Variants in TMEM132D observed in about 807,000 individuals in gnomAD.
TMEM132D encodes transmembrane protein 132D.
TMEM132D carries 21 observed loss-of-function variants against 62.3 expected under a neutral mutation model. That is an observed-to-expected ratio of 0.34 (90% CI 0.24 to 0.49). The LOEUF (loss-of-function observed/expected upper bound fraction) is 0.49. Ranked by LOEUF, TMEM132D falls within the 20% of genes least tolerant of loss-of-function variation. The probability of loss-of-function intolerance (pLI) is 0.99; values close to 1 mark genes in which losing one functional copy is unlikely to be tolerated. For missense variants in TMEM132D, 1,346 were observed against 1,402.8 expected, an observed-to-expected ratio of 0.96 and a Z score of 0.65; for synonymous variants, 621 against 575.6, an observed-to-expected ratio of 1.08 and a Z score of -1.13.
rs539843374 is a variant in TMEM132D at position 129,339,307 on chromosome 12, A to C, written c.1116-1490T>G. Among the ~76,000 whole-genome samples, 7 of 137,166 alleles carry C rather than the reference A, an allele frequency of 5.1e-5. No individual in the cohort carries two copies. In the Admixed American group the frequency reaches 5.2e-4, roughly 10 times the overall value. The allele number at this position is 137,166 out of a possible 152,430, so 90.0% of individuals were successfully genotyped here. ...AAAAGAAAAAGAAAGATAGAAGAGG[A>C]GGAAGGGGAGGAGGAAAAGAAAGAG... On this transcript the variant is annotated intron_variant, in intron 3 of 8. Transcript: ENST00000422113.
rs1874090953 is a variant in TMEM132D, at chr12:129,072,194, A to C, written c.*1681T>G. 6.9e-6 allele frequency: 1 copy of C among 145,070 alleles called. No individual in the cohort carries two copies. Among genetic ancestry groups the C allele is most frequent in the Non-Finnish European group, 1.5e-5 (1 of 68,060 alleles). 9.0% of individuals were successfully genotyped at this position (145,070 alleles called of 1,614,324 possible). On this transcript the variant is annotated 3_prime_UTR_variant, in exon 9 of 9. Coordinates refer to ENST00000422113, the MANE Select transcript of TMEM132D (RefSeq NM_133448.3). ...AGAAGATAGGTTCAAAGGAGGAGAG[A>C]GATACAGAGACAGACACACAGAGAG...
intron 1 of TMEM132D, among the ~76,000 whole-genome samples, chr12:129,772,560 C>T (rs1404169012): frequency 2.0e-5 from 3 of 152,158 alleles, no homozygotes; most frequent in Non-Finnish European, 4.4e-5. Context: ...GTCATAAATC[C>T]CGTGGCATGG....
intron 1 of TMEM132D, among the ~76,000 whole-genome samples, chr12:129,886,502 C>A (rs1337062731): frequency 6.6e-6 from 1 of 152,128 alleles, no homozygotes; most frequent in Non-Finnish European, 1.5e-5. Context: ...TCCCAAACTC[C>A]TAGGAAGGTC....
intron 1 of TMEM132D, among the ~76,000 whole-genome samples, chr12:129,772,919 A>C (rs941374953): frequency 5.9e-5 from 9 of 152,248 alleles, no homozygotes; most frequent in Non-Finnish European, 1.3e-4. Context: ...TGGAGAAGAC[A>C]TAGATGCTGA....
At chr12:129,097,080 T>A (rs1356824665) in intron 5 of TMEM132D, among the ~76,000 whole-genome samples, 2 of 152,258 alleles carry the variant, frequency 1.3e-5, no homozygotes, top group Non-Finnish European at 2.9e-5. Flanking sequence ...GTGCTGGTCC[T>A]GGCCAGGGTT....
chr12:129,671,153 G>T (rs925172877), intron 2 of TMEM132D, among the ~76,000 whole-genome samples: 1 of 152,160 alleles, frequency 6.6e-6, no homozygotes, highest in Non-Finnish European at 1.5e-5. Flanking sequence ...AATATTCCCT[G>T]CAAGGAAAAT....
rs578187007 is a variant in TMEM132D at position 129,875,961 on chromosome 12, G to A, written c.79+27300C>T. On this transcript the variant is annotated intron_variant, in intron 1 of 8. Coordinates refer to ENST00000422113, the MANE Select transcript of TMEM132D (RefSeq NM_133448.3). The stretch of plus-strand genomic sequence containing the variant: ...TTTCCAATTTAATCAACATGGTAGT[G>A]TCCATCCATCCAGCCATCCGTTCAT... Among the ~76,000 whole-genome samples, 142 of 152,218 alleles carry A rather than the reference G, an allele frequency of 9.3e-4. 2 individuals are homozygous for A. Among genetic ancestry groups the A allele is most frequent in the Middle Eastern group, 3.4e-3 (1 of 294 alleles).
intron 3 of TMEM132D, among the ~76,000 whole-genome samples, chr12:129,395,966 T>TATA (rs10688663): frequency 0.079 from 11,603 of 146,452 alleles, 1,098 homozygotes; most frequent in African/African-American, 0.23. Flanking sequence ...ATATATAATA[T>TATA]ATATCATATA....
At chr12:129,842,045 C>T (rs1401840797) in intron 1 of TMEM132D, among the ~76,000 whole-genome samples, 3 of 150,862 alleles carry the variant, frequency 2.0e-5, no homozygotes, top group African/African-American at 4.9e-5. Context: ...ATTCTCCTGC[C>T]TCAGCCTCCT....
intron 3 of TMEM132D, among the ~76,000 whole-genome samples, chr12:129,386,025 G>T (rs1008120816): frequency 6.6e-6 from 1 of 152,158 alleles, no homozygotes; most frequent in Admixed American, 6.5e-5. Flanking sequence ...TCTCTGATTT[G>T]TCTTTACAAA....
intron 1 of TMEM132D, among the ~76,000 whole-genome samples, chr12:129,835,347 G>T (rs917819063): frequency 1.8e-4 from 28 of 152,258 alleles, no homozygotes; most frequent in African/African-American, 6.5e-4. Context: ...CTGAAGTGCA[G>T]TGGCGTGATC....
At position 129,202,834 on chromosome 12, in the gene TMEM132D, C is replaced by T. The variant is rs143848879; in HGVS notation, c.1443+6686G>A. Among the ~76,000 whole-genome samples, 118 of 152,316 alleles carry T rather than the reference C, an allele frequency of 7.7e-4. 2 individuals are homozygous for T. Among genetic ancestry groups the T allele is most frequent in the South Asian group, 3.7e-3 (18 of 4,828 alleles). ...ACCTCCAGGGAAAACTTGAGTAATG[C>T]AGTTATGTTTTCCCTTCAGTGTTTA... On this transcript the variant is annotated intron_variant, in intron 5 of 8. Coordinates refer to ENST00000422113, the MANE Select transcript of TMEM132D (RefSeq NM_133448.3).
intron 2 of TMEM132D, among the ~76,000 whole-genome samples, chr12:129,601,663 G>A (rs943706141): frequency 1.3e-5 from 2 of 152,116 alleles, no homozygotes; most frequent in African/African-American, 2.4e-5. Flanking sequence ...AATAGGAGGC[G>A]AGAAGAGAGG....
chr12:129,157,290 A>C (rs1394268589), intron 5 of TMEM132D, among the ~76,000 whole-genome samples: 2 of 152,242 alleles, frequency 1.3e-5, no homozygotes, highest in African/African-American at 2.4e-5. Flanking sequence ...AAGGTCCCAC[A>C]TGTCAACATT....
intron 2 of TMEM132D, 126 bp from the exon 3 acceptor site, chr12:129,531,331 G>T (rs1876220690): frequency 8.7e-7 from 1 of 1,155,382 alleles, no homozygotes; most frequent in Admixed American, 2.7e-5. Flanking sequence ...TGTATACTAG[G>T]ATTTAAACAC....
intron 4 of TMEM132D, among the ~76,000 whole-genome samples, chr12:129,231,290 C>T (rs1364324746): frequency 6.6e-6 from 1 of 152,188 alleles, no homozygotes; most frequent in South Asian, 2.1e-4. Flanking sequence ...CAATTAACTT[C>T]CATTTGTAAC....
At chr12:129,740,890 T>G (rs887134944) in intron 1 of TMEM132D, among the ~76,000 whole-genome samples, 7 of 152,212 alleles carry the variant, frequency 4.6e-5, no homozygotes, top group Non-Finnish European at 8.8e-5. Context: ...TCTCAAGGAT[T>G]TCCTGTACAC....
At chr12:129,715,038 G>C (rs1461030391) in intron 1 of TMEM132D, among the ~76,000 whole-genome samples, 1 of 152,114 alleles carries the variant, frequency 6.6e-6, no homozygotes, top group Non-Finnish European at 1.5e-5. Context: ...AACTAGTAGA[G>C]TGTTACATCT....
intron 4 of TMEM132D, among the ~76,000 whole-genome samples, chr12:129,274,974 A>T (rs531689672): frequency 5.9e-5 from 9 of 152,166 alleles, no homozygotes; most frequent in Non-Finnish European, 1.3e-4. Context: ...AAATATATTT[A>T]TTAAATTAAA....
Sources: gnomAD v4.1 joint callset for allele counts (sites outside exome capture counted in the v4.1 genomes callset) on GRCh38, gnomAD v4.1.1 for gene constraint, MANE v1.5 for transcripts, NCBI Gene and HGNC (gene_info 2026-07-23, HGNC 2026-07-21) for gene names.